Variants in TMEM231 observed in about 807,000 individuals in gnomAD.
The protein encoded by TMEM231 is transmembrane protein 231.
TMEM231 carries 40 observed loss-of-function variants against 38.5 expected under a neutral mutation model. The ratio of observed to expected loss-of-function variants is 1.04; its 90% CI spans 0.81 to 1.35. TMEM231 has a LOEUF of 1.35. Among genes scored for constraint, TMEM231 ranks in the 40% most tolerant of loss-of-function variants. The pLI is 0.00. For missense variants in TMEM231, 420 were observed against 416.9 expected, an observed-to-expected ratio of 1.01 and a Z score of -0.07; for synonymous variants, 199 against 181.7, an observed-to-expected ratio of 1.10 and a Z score of -0.77.
rs756284419 is a variant in TMEM231, at chr16:75,539,834, C to T, written c.*160G>A. 2.9e-4 allele frequency: 157 copies of T among 541,372 alleles called. 1 individual carries two copies. The highest frequency in any genetic ancestry group is 3.9e-4 in the Non-Finnish European group (123 of 318,206). The allele number at this position is 541,372 out of a possible 1,614,324, so 33.5% of individuals were successfully genotyped here. A position where few individuals can be genotyped will look rare whatever the true frequency, so the allele number is the denominator to read the frequency against. On this transcript the variant is annotated 3_prime_UTR_variant, in exon 7 of 7. Coordinates refer to ENST00000258173, the MANE Select transcript of TMEM231 (RefSeq NM_001077418.3). ...CAATTCTGCAGGAGCTCTGAAGATA[C>T]GGAACTGTGTAGAGCAAAACCGGAA...
At chr16:75,545,229 G>T in intron 4 of TMEM231, 123 bp downstream of exon 4, 1 of 1,369,706 alleles carries the variant, frequency 7.3e-7, no homozygotes, top group East Asian at 2.4e-5. Context: ...CAAAGTGCTG[G>T]GATTACAGGT....
intron 6 of TMEM231, among the ~76,000 whole-genome samples, chr16:75,540,773 T>C (rs1567434254): frequency 1.3e-5 from 2 of 152,260 alleles, no homozygotes; most frequent in African/African-American, 4.8e-5. Flanking sequence ...GGATGATTCT[T>C]ACCTAGAAGA....
chr16:75,548,834 A>T (rs879073585), intron 2 of TMEM231, among the ~76,000 whole-genome samples: 1 of 152,224 alleles, frequency 6.6e-6, no homozygotes, highest in Admixed American at 6.5e-5. Flanking sequence ...GTGCCTCTGC[A>T]CTCCAGCCTG....
In TMEM231 at chr16:75,542,618, G is replaced by C. The variant is rs759173235; in HGVS notation, c.648C>G (p.Ala216=). Reference sequence around the variant, plus strand: ...GTGACTCACCGTTCCTCTCCTGGTAGGCAGCAACAATATGGGTGAGGTCGT... The same window carrying C: ...GTGACTCACCGTTCCTCTCCTGGTACGCAGCAACAATATGGGTGAGGTCGT... ...YDYDLTHIVA[A]YQERNVTTVL... Residue 216 remains alanine, a synonymous_variant, in exon 5 of 7, where the codon GCC becomes GCG. Transcript: ENST00000258173. 1.2e-6 allele frequency: 2 copies of C among 1,613,874 alleles called. No individual in the cohort carries two copies. The highest frequency in any genetic ancestry group is 1.7e-6 in the Non-Finnish European group (2 of 1,179,868).
intron 6 of TMEM231, among the ~76,000 whole-genome samples, chr16:75,540,703 G>T (rs2080615972): frequency 6.6e-6 from 1 of 152,226 alleles, no homozygotes; most frequent in Non-Finnish European, 1.5e-5. Context: ...GGACTGGCAA[G>T]AATGTTTCAC....
At chr16:75,552,104 C>T (rs1383842310) in intron 2 of TMEM231, among the ~76,000 whole-genome samples, 1 of 152,104 alleles carries the variant, frequency 6.6e-6, no homozygotes, top group African/African-American at 2.4e-5. Flanking sequence ...GCAACTTTGT[C>T]CTTTGTGCCA....
At chr16:75,546,208 C>A in intron 2 of TMEM231, 2 of 1,041,280 alleles carry the variant, frequency 1.9e-6, no homozygotes, top group Non-Finnish European at 2.7e-6. Flanking sequence ...TAACAAAAAA[C>A]ATCTGGATAG....
rs1362968227 is a variant in TMEM231, at chr16:75,555,972, C to T, written c.141G>A (p.Gly47=). ...CGTAGCTGCTCCGCTTCAGCCAAAACCCTGAGTTAAAGAGGGCGGTAGGGA... is the reference window on the plus strand; with the variant it reads ...CGTAGCTGCTCCGCTTCAGCCAAAATCCTGAGTTAAAGAGGGCGGTAGGGA... The part of the protein sequence containing the change: ...PPLLVAFRSH[G]FWLKRSSYEE... The change falls in exon 2 of 7, where the codon GGG becomes GGA. Residue 47 remains glycine, a splice_region_variant and synonymous_variant. Coordinates refer to ENST00000258173, the MANE Select transcript of TMEM231 (RefSeq NM_001077418.3). 5 of 1,602,282 alleles carry T rather than the reference C, an allele frequency of 3.1e-6. No individual in the cohort carries two copies. The highest frequency in any genetic ancestry group is 4.3e-6 in the Non-Finnish European group (5 of 1,174,710).
intron 2 of TMEM231, among the ~76,000 whole-genome samples, chr16:75,550,502 G>A (rs1597046097): frequency 6.6e-6 from 1 of 152,194 alleles, no homozygotes; most frequent in Admixed American, 6.5e-5. Context: ...CCTGGAAGCT[G>A]AGCGTAGGAG....
At chr16:75,556,262 T>C (rs1176007249), upstream of TMEM231, 1 of 1,381,738 alleles carries the variant, frequency 7.2e-7, no homozygotes, top group Middle Eastern at 1.9e-4. Context: ...TGGCTTCTCC[T>C]GGTTGCCATC....
Position 75,537,992 on chromosome 16 carries a change from G to A in TMEM231, c.*2002C>T, listed in dbSNP as rs748313535. On this transcript the variant is annotated 3_prime_UTR_variant, in exon 7 of 7. Transcript: ENST00000258173. Reference sequence around the variant, plus strand: ...ACCAAAGACCTCATGGAAGTTCCAAGGTCGTTAGGCAGAGCCTTGTAAAGC... The same window carrying A: ...ACCAAAGACCTCATGGAAGTTCCAAAGTCGTTAGGCAGAGCCTTGTAAAGC... 2 of 152,204 alleles carry A rather than the reference G, an allele frequency of 1.3e-5. No individual in the cohort carries two copies. Among genetic ancestry groups the A allele is most frequent in the Non-Finnish European group, 2.9e-5 (2 of 68,046 alleles). 9.4% of individuals were successfully genotyped at this position (152,204 alleles called of 1,614,324 possible). A position where few individuals can be genotyped will look rare whatever the true frequency, so the allele number is the denominator to read the frequency against.
At position 75,538,851 on chromosome 16, in the gene TMEM231, CA is replaced by C. The variant is rs1351601512; in HGVS notation, c.*1142del. On this transcript the variant is annotated 3_prime_UTR_variant, in exon 7 of 7. Transcript: ENST00000258173. ...CCCCTTCCAGCCATCTCTGCTCCTG[CA>C]GACACTTGCTTAGCCACGAGGGTAA... 6.6e-6 allele frequency: 1 copy of C among 152,354 alleles called. No individual in the cohort carries two copies. Among genetic ancestry groups the C allele is most frequent in the East Asian group, 1.9e-4 (1 of 5,194 alleles). The allele number at this position is 152,354 out of a possible 1,614,324, so 9.4% of individuals were successfully genotyped here.
Position 75,539,222 on chromosome 16 carries a change from C to G in TMEM231, c.*772G>C, listed in dbSNP as rs578051832. The G allele has an allele frequency of 2.0e-5, 3 of 152,132 alleles. No homozygotes were observed. The highest frequency in any genetic ancestry group is 7.2e-5 in the African/African-American group (3 of 41,532). 9.4% of individuals were successfully genotyped at this position (152,132 alleles called of 1,614,324 possible). A position where few individuals can be genotyped will look rare whatever the true frequency, so the allele number is the denominator to read the frequency against. On this transcript the variant is annotated 3_prime_UTR_variant, in exon 7 of 7. Transcript: ENST00000258173. Reference sequence around the variant, plus strand: ...ACCTGTTGTGACAATGCTTTCTTCCCCCAGTGCTGCTGAGGGGGCTGAGAA... The same window carrying G: ...ACCTGTTGTGACAATGCTTTCTTCCGCCAGTGCTGCTGAGGGGGCTGAGAA...
rs748111030 is a variant in TMEM231 at position 75,545,385 on chromosome 16, C to T, written c.549G>A (p.Pro183=). 30 of 1,612,504 alleles carry T rather than the reference C, an allele frequency of 1.9e-5. No homozygotes were observed. The highest frequency in any genetic ancestry group is 7.7e-5 in the South Asian group (7 of 90,972). Residue 183 remains proline (P), a synonymous_variant, in exon 4 of 7, where the codon CCG becomes CCA. Coordinates refer to ENST00000258173, the MANE Select transcript of TMEM231 (RefSeq NM_001077418.3). ...NGDLRLQQKQ[P]LSCGGLDARY... Reference sequence around the variant, plus strand: ...GGGCATCTAGGCCACCACAGCTCAGCGGCTGCTTCTGCTGCAGCCTCAGGT... The same window carrying T: ...GGGCATCTAGGCCACCACAGCTCAGTGGCTGCTTCTGCTGCAGCCTCAGGT...
intron 6 of TMEM231, 64 bp downstream of exon 6, chr16:75,541,286 C>A: frequency 7.8e-7 from 1 of 1,276,590 alleles, no homozygotes; most frequent in East Asian, 2.7e-5. Flanking sequence ...TCCCAAAGTG[C>A]TGAAATTATA....
chr16:75,545,135 T>C (rs1424792555), intron 4 of TMEM231, among the ~76,000 whole-genome samples: 1 of 151,528 alleles, frequency 6.6e-6, no homozygotes, highest in Non-Finnish European at 1.5e-5. Flanking sequence ...TTTGTATTTT[T>C]AGTAGAGACA....
intron 4 of TMEM231, 38 bp from the exon 5 acceptor site, chr16:75,542,721 G>A (rs1432651728): frequency 2.5e-6 from 4 of 1,591,018 alleles, no homozygotes; most frequent in Non-Finnish European, 3.4e-6. Flanking sequence ...GAGCACCTGG[G>A]AGACTCCTCC....
In TMEM231 at chr16:75,545,922, C is replaced by T; in HGVS notation, c.342G>A (p.Lys114=). ...TREEDRNQDG[K]TDMLHFKLEL... is the part of the protein sequence containing the mutation. ...CCAGCTTAAAATGTAACATGTCCGT[C>T]TTCCCATCCTGGTTCCTGTCTTCTT... Residue 114 remains lysine, a synonymous_variant, in exon 3 of 7, where the codon AAG becomes AAA. Coordinates refer to ENST00000258173, the MANE Select transcript of TMEM231 (RefSeq NM_001077418.3). 6.6e-7 allele frequency: 1 copy of T among 1,525,004 alleles called. No individual in the cohort carries two copies. Among genetic ancestry groups the T allele is most frequent in the Admixed American group, 2.1e-5 (1 of 48,296 alleles). 94.5% of individuals were successfully genotyped at this position (1,525,004 alleles called of 1,614,324 possible).
chr16:75,543,103 G>T (rs1435895450), intron 4 of TMEM231, among the ~76,000 whole-genome samples: 2 of 152,058 alleles, frequency 1.3e-5, no homozygotes, highest in Admixed American at 1.3e-4. Flanking sequence ...CCGTATTTTC[G>T]CCAGGTGTGG....
Sources: allele counts gnomAD v4.1 joint callset (sites outside exome capture counted in the v4.1 genomes callset), GRCh38; gene constraint gnomAD v4.1.1; transcripts MANE v1.5; gene names NCBI Gene and HGNC (gene_info 2026-07-23, HGNC 2026-07-21).